GRIK3: variants seen among roughly 807,000 people sequenced by gnomAD.
GRIK3 encodes glutamate ionotropic receptor kainate type subunit 3, also known as glutamate receptor ionotropic, kainate 3.
In GRIK3, 29 loss-of-function variants were observed where a neutral mutation model predicts 102.5. That is an observed-to-expected ratio of 0.28 (90% CI 0.21 to 0.39). The LOEUF (loss-of-function observed/expected upper bound fraction) is 0.39. GRIK3 is among the 10% of genes least tolerant of loss of function. GRIK3 has a pLI of 1.00. For missense variants in GRIK3, 908 were observed against 1,252.4 expected (o/e 0.73, Z 4.15); for synonymous variants, 511 against 504.9 (o/e 1.01, Z -0.16).
chr1:36,878,346 G>A (rs1442229270), intron 3 of GRIK3, among the ~76,000 whole-genome samples: 1 of 152,260 alleles, frequency 6.6e-6, no homozygotes, highest in African/African-American at 2.4e-5. Context: ...TGCTCTCAAG[G>A]ATCTTCTGTC....
At chr1:36,805,936 C>CAAA (rs749853809) in intron 14 of GRIK3, among the ~76,000 whole-genome samples, 168 bp downstream of exon 14, 98 of 31,052 alleles carry the variant, frequency 3.2e-3, no homozygotes, top group Middle Eastern at 0.022. Flanking sequence ...AACTCCACCT[C>CAAA]AAAAAAAAAA....
intron 10 of GRIK3, among the ~76,000 whole-genome samples, chr1:36,832,087 ACTGCTCT>A (rs1640308188): frequency 0.014 from 10 of 712 alleles, no homozygotes; most frequent in Non-Finnish European, 0.021. Flanking sequence ...CGACTGCTCT[ACTGCTCT>A]CATCGCACCA....
intron 1 of GRIK3, among the ~76,000 whole-genome samples, chr1:36,998,763 T>C (rs1642444845): frequency 6.6e-6 from 1 of 152,118 alleles, no homozygotes; most frequent in Non-Finnish European, 1.5e-5. Context: ...AGGGAGACCC[T>C]CTCCAGTGAC....
chr1:36,966,398 G>A (rs1041655132), intron 1 of GRIK3, among the ~76,000 whole-genome samples: 16 of 152,364 alleles, frequency 1.1e-4, no homozygotes, highest in African/African-American at 3.8e-4. Flanking sequence ...GAGCAGTCAA[G>A]CTTGGACTGG....
chr1:36,904,020 C>T lies in GRIK3; in HGVS notation c.116-12924G>A, dbSNP rs529332034. ...TCCATTCATTGTAACAAATGTACCT[C>T]TCTGGTGGCAGATGTTGATAATGGA... On this transcript the variant is annotated intron_variant, in intron 1 of 15. Transcript: ENST00000373091. 6.7e-4 allele frequency among the ~76,000 whole-genome samples: 102 copies of T among 152,192 alleles called. No homozygotes were observed. The South Asian group carries it at 0.012, about 18-fold the overall frequency.
At chr1:36,860,682 G>A (rs529371999) in intron 5 of GRIK3, among the ~76,000 whole-genome samples, 4 of 152,292 alleles carry the variant, frequency 2.6e-5, no homozygotes, top group Non-Finnish European at 5.9e-5. Flanking sequence ...CTGGGTCTGG[G>A]GGCAGGGTGG....
At chr1:36,941,369 TCAA>T (rs1356614992) in intron 1 of GRIK3, among the ~76,000 whole-genome samples, 1 of 152,192 alleles carries the variant, frequency 6.6e-6, no homozygotes, top group Non-Finnish European at 1.5e-5. Context: ...TTTGAAGAAA[TCAA>T]CTACAAATTC....
intron 1 of GRIK3, among the ~76,000 whole-genome samples, chr1:37,020,603 C>T (rs1256835812): frequency 6.6e-6 from 1 of 151,496 alleles, no homozygotes. Flanking sequence ...CCGTACAAGG[C>T]ACCAAAGGTT....
chr1:36,811,114 T>C (rs187743591), intron 13 of GRIK3, among the ~76,000 whole-genome samples: 338 of 152,338 alleles, frequency 2.2e-3, no homozygotes, highest in African/African-American at 7.8e-3. Flanking sequence ...ATCGTGAACA[T>C]TCAACAAGAC....
intron 10 of GRIK3, among the ~76,000 whole-genome samples, chr1:36,836,305 T>C (rs1425076264): frequency 1.3e-5 from 2 of 152,230 alleles, no homozygotes; most frequent in African/African-American, 4.8e-5. Context: ...ACACCATGGC[T>C]GGGAAGCCAG....
At chr1:37,027,169 G>C (rs1174560758) in intron 1 of GRIK3, among the ~76,000 whole-genome samples, 4 of 152,096 alleles carry the variant, frequency 2.6e-5, no homozygotes, top group Non-Finnish European at 5.9e-5. Context: ...GCTGAGCTGT[G>C]ACTAGGGAGA....
chr1:36,925,099 A>G (rs530982978), intron 1 of GRIK3, among the ~76,000 whole-genome samples: 1 of 152,234 alleles, frequency 6.6e-6, no homozygotes, highest in Non-Finnish European at 1.5e-5. Context: ...TCCAGCAGGA[A>G]GATTCCACAG....
rs1437805944 is a variant in GRIK3, at chr1:36,819,892, A to G, written c.1755-38T>C. 5 of 1,105,442 alleles carry G rather than the reference A, an allele frequency of 4.5e-6. No homozygotes were observed. Among genetic ancestry groups the G allele is most frequent in the Non-Finnish European group, 6.8e-6 (5 of 732,668 alleles). The allele number at this position is 1,105,442 out of a possible 1,614,324, so 68.5% of individuals were successfully genotyped here. On this transcript the variant is annotated intron_variant, in intron 11 of 15. Transcript: ENST00000373091. The surrounding 1 kb of genome is among the most constrained non-coding windows in gnomAD (Gnocchi z 4.1). ...GAGAGGGACAGTCAGCCTGGGAAGC[A>G]AGGGGCATCCACGCCCCAGCAGGCA...
At chr1:36,925,886 G>T (rs1223944113) in intron 1 of GRIK3, among the ~76,000 whole-genome samples, 1 of 152,180 alleles carries the variant, frequency 6.6e-6, no homozygotes, top group Non-Finnish European at 1.5e-5. Flanking sequence ...TTGGGGACCT[G>T]GGCCTGACCT....
At chr1:36,966,850 G>A (rs1342386525) in intron 1 of GRIK3, among the ~76,000 whole-genome samples, 1 of 151,938 alleles carries the variant, frequency 6.6e-6, no homozygotes, top group Non-Finnish European at 1.5e-5. Flanking sequence ...TAATAGAGCC[G>A]GGCATGGTGA....
intron 1 of GRIK3, among the ~76,000 whole-genome samples, chr1:36,995,715 A>T (rs1198187943): frequency 3.9e-5 from 6 of 152,156 alleles, no homozygotes; most frequent in Non-Finnish European, 7.3e-5. Flanking sequence ...GTGCAGCCAC[A>T]CTGCCAGAAA....
chr1:36,809,131 A>G (rs905397091), intron 13 of GRIK3, among the ~76,000 whole-genome samples: 2 of 151,928 alleles, frequency 1.3e-5, no homozygotes, highest in Admixed American at 1.3e-4. Context: ...CATCTAATCT[A>G]TCCTTCCAAT....
chr1:37,018,142 T>C (rs1642673393), intron 1 of GRIK3, among the ~76,000 whole-genome samples: 1 of 152,208 alleles, frequency 6.6e-6, no homozygotes, highest in African/African-American at 2.4e-5. Context: ...GAAACCTGTT[T>C]TCCTGTCTCC....
At chr1:36,958,955 A>G (rs555379590) in intron 1 of GRIK3, among the ~76,000 whole-genome samples, 3 of 108,734 alleles carry the variant, frequency 2.8e-5, no homozygotes, top group South Asian at 6.7e-4. Context: ...GTGCCCTGTG[A>G]GCCTGCACCC....
Sources: gnomAD v4.1 joint callset for allele counts (sites outside exome capture counted in the v4.1 genomes callset) on GRCh38, gnomAD v4.1.1 for gene constraint, Gnocchi (gnomAD v3.1) non-coding constraint, MANE v1.5 for transcripts, NCBI Gene and HGNC (gene_info 2026-07-23, HGNC 2026-07-21) for gene names.